The following GAREM1 variants were observed in gnomAD, a reference collection of about 807,000 sequenced individuals.
GAREM1 encodes the protein GRB2-associated and regulator of MAPK protein 1.
Under a neutral mutation model 71.3 loss-of-function variants are expected in GAREM1, and 26 were observed. The ratio of observed to expected loss-of-function variants is 0.36; its 90% CI spans 0.27 to 0.51. GAREM1 has a LOEUF of 0.51. Ranked by LOEUF, GAREM1 falls within the 20% of genes least tolerant of loss-of-function variation. The pLI is 0.95. For missense variants in GAREM1, 1,026 were observed against 1,103.1 expected, an observed-to-expected ratio of 0.93 and a Z score of 0.99; for synonymous variants, 440 against 433.2, an observed-to-expected ratio of 1.02 and a Z score of -0.20.
At chr18:32,328,513 A>G (rs776002015) in intron 2 of GAREM1, among the ~76,000 whole-genome samples, 7 of 152,232 alleles carry the variant, frequency 4.6e-5, no homozygotes, top group Non-Finnish European at 8.8e-5. Flanking sequence ...CATTATTTTC[A>G]TGAGTGCTAT....
At chr18:32,273,159 T>TA (rs1297500519) in intron 4 of GAREM1, among the ~76,000 whole-genome samples, 4 of 152,198 alleles carry the variant, frequency 2.6e-5, no homozygotes, top group African/African-American at 9.7e-5. Context: ...TTAAAATAAA[T>TA]ACTTAGCTAC....
chr18:32,282,601 T>A (rs2046966282), intron 4 of GAREM1, among the ~76,000 whole-genome samples: 1 of 151,952 alleles, frequency 6.6e-6, no homozygotes, highest in Non-Finnish European at 1.5e-5. Context: ...AGTGGCACGA[T>A]CTCAGCTCAC....
intron 4 of GAREM1, among the ~76,000 whole-genome samples, chr18:32,274,492 C>T (rs530365758): frequency 2.0e-5 from 3 of 152,296 alleles, no homozygotes; most frequent in Admixed American, 6.5e-5. Flanking sequence ...GCATGTGGCT[C>T]TCATCATGTT....
At chr18:32,369,884 C>T (rs906268777) in intron 2 of GAREM1, among the ~76,000 whole-genome samples, 43 of 152,278 alleles carry the variant, frequency 2.8e-4, no homozygotes, top group Admixed American at 2.1e-3. Context: ...GGCCTCTAGT[C>T]CTGGGTCCAC....
chr18:32,407,496 A>T (rs2048376093), intron 1 of GAREM1, among the ~76,000 whole-genome samples: 1 of 152,190 alleles, frequency 6.6e-6, no homozygotes, highest in South Asian at 2.1e-4. Context: ...ATACAAATTC[A>T]TGTCATCTCT....
rs1484255976 is a variant in GAREM1, at chr18:32,264,449, C to G, written c.*3422G>C. On this transcript the variant is annotated 3_prime_UTR_variant, in exon 6 of 6. Transcript: ENST00000269209. ...CCCTCCATCCTTCCACACCCCACCT[C>G]CCATCCCTGGACTTCTCAGGGAGCT... 3 of 152,238 alleles carry G rather than the reference C, an allele frequency of 2.0e-5. No homozygotes were observed. Among genetic ancestry groups the G allele is most frequent in the Non-Finnish European group, 4.4e-5 (3 of 68,058 alleles). 9.4% of individuals were successfully genotyped at this position (152,238 alleles called of 1,614,324 possible).
Position 32,287,301 on chromosome 18 carries a change from G to C in GAREM1, c.1296C>G (p.Asp432Glu). ...CTTCACTAGCTTCTGGGAAAAGGTA[G>C]TCGCTCCCACTATCTCCAGAGTCCT... ...PYQDSGDSGS[D>E]YLFPEASEES... Residue 432 changes from aspartate to glutamate, a missense_variant, in exon 4 of 6, where the codon GAC (aspartate) becomes GAG (glutamate). This residue lies in a region of GAREM1 where 636 missense variants were observed against 631.2 expected (regional missense o/e 1.01). Coordinates refer to ENST00000269209, the MANE Select transcript of GAREM1 (RefSeq NM_001242409.2). The surrounding 1 kb of genome is among the most constrained non-coding windows in gnomAD (Gnocchi z 5.9). 2 of 1,614,180 alleles carry C rather than the reference G, an allele frequency of 1.2e-6. No homozygotes were observed. Among genetic ancestry groups the C allele is most frequent in the Non-Finnish European group, 8.5e-7 (1 of 1,180,042 alleles).
chr18:32,296,744 C>T (rs1211072555), intron 3 of GAREM1, among the ~76,000 whole-genome samples: 1 of 146,686 alleles, frequency 6.8e-6, no homozygotes, highest in Non-Finnish European at 1.5e-5. Context: ...TCTTGCTATG[C>T]TGCTCAAGCT....
chr18:32,276,520 G>A (rs1177102315), intron 4 of GAREM1, among the ~76,000 whole-genome samples: 4 of 152,172 alleles, frequency 2.6e-5, no homozygotes, highest in African/African-American at 4.8e-5. Flanking sequence ...GTATGTGCAA[G>A]GTTCATGGGA....
intron 2 of GAREM1, among the ~76,000 whole-genome samples, chr18:32,383,107 T>C (rs566287438): frequency 2.0e-4 from 31 of 152,232 alleles, no homozygotes; most frequent in Non-Finnish European, 4.1e-4. Context: ...CACTCACGCA[T>C]TGGCTTGACT....
intron 1 of GAREM1, among the ~76,000 whole-genome samples, chr18:32,400,119 T>C (rs1288145545): frequency 3.3e-5 from 5 of 152,272 alleles, no homozygotes; most frequent in Non-Finnish European, 5.9e-5. Context: ...TGGCTAGCCA[T>C]ATGTAGAAAG....
chr18:32,282,992 A>C (rs951230479), intron 4 of GAREM1, among the ~76,000 whole-genome samples: 1 of 152,256 alleles, frequency 6.6e-6, no homozygotes, highest in Admixed American at 6.5e-5. Flanking sequence ...TAGAATAAAC[A>C]CATGGATCAA....
At chr18:32,285,213 T>A (rs1014646622) in intron 4 of GAREM1, among the ~76,000 whole-genome samples, 3 of 152,152 alleles carry the variant, frequency 2.0e-5, no homozygotes, top group Non-Finnish European at 2.9e-5. Context: ...CCCCAGAGGA[T>A]CCTGTAAGGA....
In GAREM1 at chr18:32,265,389, T is replaced by C. The variant is rs937309325; in HGVS notation, c.*2482A>G. 2.6e-5 allele frequency: 4 copies of C among 152,232 alleles called. No individual in the cohort carries two copies. The highest frequency in any genetic ancestry group is 2.0e-4 in the Admixed American group (3 of 15,278). The allele number at this position is 152,232 out of a possible 1,614,324, so 9.4% of individuals were successfully genotyped here. ...TACCCCTTAATAGAGGCTGACGTTT[T>C]AAAGACAGGACACACGTAATTCTCC... On this transcript the variant is annotated 3_prime_UTR_variant, in exon 6 of 6. Coordinates refer to ENST00000269209, the MANE Select transcript of GAREM1 (RefSeq NM_001242409.2).
chr18:32,357,739 G>GA (rs1230349546), intron 2 of GAREM1, among the ~76,000 whole-genome samples: 2 of 152,062 alleles, frequency 1.3e-5, no homozygotes, highest in Non-Finnish European at 2.9e-5. Context: ...AACAGGAAAA[G>GA]AAAAAATTTT....
chr18:32,338,548 A>G (rs2047618852), intron 2 of GAREM1, among the ~76,000 whole-genome samples: 1 of 152,332 alleles, frequency 6.6e-6, no homozygotes, highest in African/African-American at 2.4e-5. Flanking sequence ...GACAAAATGA[A>G]AAAACCATGA....
chr18:32,340,101 C>A (rs2047634152), intron 2 of GAREM1, among the ~76,000 whole-genome samples: 1 of 152,208 alleles, frequency 6.6e-6, no homozygotes, highest in Non-Finnish European at 1.5e-5. Flanking sequence ...TGCATGTCCT[C>A]ATGGAGCTTA....
At chr18:32,372,141 A>G (rs1458860) in intron 2 of GAREM1, among the ~76,000 whole-genome samples, 13,653 of 152,244 alleles carry the variant, frequency 0.09, 987 homozygotes, top group African/African-American at 0.2. Context: ...ACCAACACTG[A>G]CATTTTGGTG....
intron 2 of GAREM1, among the ~76,000 whole-genome samples, chr18:32,343,311 G>GTTTTTTTGTTT (rs2047664721): frequency 8.4e-6 from 1 of 118,870 alleles, no homozygotes; most frequent in African/African-American, 3.4e-5. Context: ...CTCCCCCACT[G>GTTTTTTTGTTT]TTTTTTTTTT....
Sources: gnomAD v4.1 joint callset for allele counts (sites outside exome capture counted in the v4.1 genomes callset) on GRCh38, gnomAD v4.1.1 for gene constraint, gnomAD v4.1.1 regional missense constraint, Gnocchi (gnomAD v3.1) non-coding constraint, MANE v1.5 for transcripts, NCBI Gene and HGNC (gene_info 2026-07-23, HGNC 2026-07-21) for gene names.